GNAT3: variants seen among roughly 807,000 people sequenced by gnomAD.
GNAT3 encodes the protein guanine nucleotide-binding protein G(t) subunit alpha-3.
In GNAT3, 31 loss-of-function variants were observed where a neutral mutation model predicts 37.7. The observed-to-expected ratio is 0.82, with a 90% CI of 0.62 to 1.11. The LOEUF (loss-of-function observed/expected upper bound fraction) is 1.11, where lower values mean the gene tolerates loss of function less well. Ranked by LOEUF, GNAT3 falls within the 50% of genes most tolerant of loss-of-function variation. GNAT3 has a pLI of 0.00. For missense variants in GNAT3, 437 were observed against 412.5 expected (o/e 1.06, Z -0.51); for synonymous variants, 138 against 139.8 (o/e 0.99, Z 0.09).
intron 5 of GNAT3, among the ~76,000 whole-genome samples, chr7:80,472,614 A>G (rs1195195221): frequency 6.6e-6 from 1 of 152,118 alleles, no homozygotes. Flanking sequence ...GACAATACCA[A>G]ATTGGTTGGT....
Position 80,488,735 on chromosome 7 carries a change from A to G in GNAT3, c.162-59T>C, listed in dbSNP as rs1790535986. ...GAATAATTGATTGTAACACTAAAGC[A>G]CATCCAACTAAGTTGCTTGAATAAA... On this transcript the variant is annotated intron_variant, in intron 2 of 7. Transcript: ENST00000398291. The G allele has an allele frequency of 3.2e-6, 4 of 1,260,204 alleles. No homozygotes were observed. In the South Asian group the frequency reaches 5.4e-5, roughly 17 times the overall value. 78.1% of individuals were successfully genotyped at this position (1,260,204 alleles called of 1,614,324 possible). A position where few individuals can be genotyped will look rare whatever the true frequency, so the allele number is the denominator to read the frequency against.
intron 1 of GNAT3, among the ~76,000 whole-genome samples, chr7:80,497,217 G>A (rs1790733095): frequency 6.6e-6 from 1 of 152,066 alleles, no homozygotes; most frequent in South Asian, 2.1e-4. Context: ...AAACAGTTGA[G>A]AATAAAATAA....
intron 5 of GNAT3, among the ~76,000 whole-genome samples, chr7:80,469,962 A>T: frequency 6.6e-6 from 1 of 152,196 alleles, no homozygotes; most frequent in East Asian, 1.9e-4. Flanking sequence ...GCTCCTCAAG[A>T]AAAAGATATT....
intron 3 of GNAT3, among the ~76,000 whole-genome samples, chr7:80,484,222 G>T (rs1790439163): frequency 6.6e-6 from 1 of 151,928 alleles, no homozygotes; most frequent in Non-Finnish European, 1.5e-5. Context: ...AACTTATTCT[G>T]AACCCTAGAG....
chr7:80,487,349 G>GAA (rs1790507368), intron 3 of GNAT3, among the ~76,000 whole-genome samples: 1 of 152,160 alleles, frequency 6.6e-6, no homozygotes. Flanking sequence ...CAGAGAGATA[G>GAA]ATTGGAGCAA....
chr7:80,465,777 T>C (rs1790119846), intron 5 of GNAT3, among the ~76,000 whole-genome samples: 1 of 152,154 alleles, frequency 6.6e-6, no homozygotes, highest in Non-Finnish European at 1.5e-5. Context: ...TCCCTTCTTC[T>C]GGGAGGTTTC....
chr7:80,499,539 C>T (rs916408440), intron 1 of GNAT3, among the ~76,000 whole-genome samples: 1 of 152,192 alleles, frequency 6.6e-6, no homozygotes, highest in Non-Finnish European at 1.5e-5. Flanking sequence ...TGAGCCCCTA[C>T]ACCTGGCCTT....
chr7:80,506,726 A>G (rs894276981), intron 1 of GNAT3, among the ~76,000 whole-genome samples: 1 of 152,194 alleles, frequency 6.6e-6, no homozygotes, highest in African/African-American at 2.4e-5. Context: ...CTCTAGAAAC[A>G]TAAAATAAAT....
At chr7:80,477,994 T>C (rs1458239247) in intron 4 of GNAT3, among the ~76,000 whole-genome samples, 1 of 152,226 alleles carries the variant, frequency 6.6e-6, no homozygotes, top group East Asian at 1.9e-4. Context: ...TACTGCAGCC[T>C]TGACCTCCTG....
At chr7:80,470,675 C>A (rs184344815) in intron 5 of GNAT3, among the ~76,000 whole-genome samples, 41 of 152,190 alleles carry the variant, frequency 2.7e-4, no homozygotes, top group Admixed American at 2.0e-3. Flanking sequence ...AATAGCTCAC[C>A]TTCCTATATG....
rs1451278881 is a variant in GNAT3 at position 80,470,519 on chromosome 7, C to A, written c.590+3732G>T. On this transcript the variant is annotated intron_variant, in intron 5 of 7. Transcript: ENST00000398291. ...TACAGGTGTGAGCCACCACGCCCAG[C>A]CAAGAGAATATCGTATCAAAATAAT... is the stretch of plus-strand genomic sequence containing the variant. Among the ~76,000 whole-genome samples, 6 of 152,326 alleles carry A rather than the reference C, an allele frequency of 3.9e-5. No homozygotes were observed. The South Asian group carries it at 1.2e-3, about 32-fold the overall frequency.
chr7:80,477,233 G>A (rs540052295), intron 4 of GNAT3, among the ~76,000 whole-genome samples: 26 of 152,144 alleles, frequency 1.7e-4, no homozygotes, highest in Non-Finnish European at 3.2e-4. Flanking sequence ...ATTAATGAGA[G>A]CCCACTTTAA....
At chr7:80,490,167 C>G (rs938656578) in intron 2 of GNAT3, among the ~76,000 whole-genome samples, 3 of 152,090 alleles carry the variant, frequency 2.0e-5, no homozygotes, top group African/African-American at 4.8e-5. Flanking sequence ...CAAGTCTCTC[C>G]TTCCCAAAAC....
intron 6 of GNAT3, 70 bp downstream of exon 6, chr7:80,462,432 A>C: frequency 6.4e-7 from 1 of 1,572,102 alleles, no homozygotes; most frequent in South Asian, 1.1e-5. Flanking sequence ...TGAGTTGGGC[A>C]ATGTGGTAGT....
intron 1 of GNAT3, among the ~76,000 whole-genome samples, chr7:80,500,158 C>T (rs1180640586): frequency 1.3e-5 from 2 of 151,832 alleles, no homozygotes; most frequent in East Asian, 1.9e-4. Context: ...GCCACCTAGA[C>T]CTGCCTCACT....
In GNAT3 at chr7:80,511,948, C is replaced by T; in HGVS notation, c.-22G>A. On this transcript the variant is annotated 5_prime_UTR_variant, in exon 1 of 8. The change abolishes the stop of an existing upstream ORF in the 5' untranslated region. Transcript: ENST00000398291. ...CCATCTTGTGGTGGTAGATACTTGTCAGTTTATATGTTCAGATTTTTCAAA... is the reference window on the plus strand; with the variant it reads ...CCATCTTGTGGTGGTAGATACTTGTTAGTTTATATGTTCAGATTTTTCAAA... 6.6e-7 allele frequency: 1 copy of T among 1,524,534 alleles called. No individual in the cohort carries two copies. Among genetic ancestry groups the T allele is most frequent in the South Asian group, 1.1e-5 (1 of 87,600 alleles). 94.4% of individuals were successfully genotyped at this position (1,524,534 alleles called of 1,614,324 possible). A position where few individuals can be genotyped will look rare whatever the true frequency, so the allele number is the denominator to read the frequency against.
chr7:80,482,824 C>G (rs750936693), intron 3 of GNAT3, among the ~76,000 whole-genome samples: 2 of 151,572 alleles, frequency 1.3e-5, no homozygotes, highest in Admixed American at 1.3e-4. Context: ...AACCACCATA[C>G]CTGTCCTTCC....
At chr7:80,488,742 AC>A in intron 2 of GNAT3, 66 bp from the exon 3 acceptor site, 1 of 1,203,412 alleles carries the variant, frequency 8.3e-7, no homozygotes, top group South Asian at 1.4e-5. Flanking sequence ...AGCACATCCA[AC>A]TAAGTTGCTT....
intron 1 of GNAT3, among the ~76,000 whole-genome samples, chr7:80,502,409 A>T (rs974452357): frequency 6.6e-6 from 1 of 152,132 alleles, no homozygotes; most frequent in African/African-American, 2.4e-5. Flanking sequence ...CAACACTAAA[A>T]TACAAAATTA....
Sources: allele counts gnomAD v4.1 joint callset (sites outside exome capture counted in the v4.1 genomes callset), GRCh38; gene constraint gnomAD v4.1.1; transcripts MANE v1.5; gene names NCBI Gene and HGNC (gene_info 2026-07-23, HGNC 2026-07-21).